Variants in ZNF804A observed in about 807,000 individuals in gnomAD.
ZNF804A encodes the protein zinc finger protein 804A.
In ZNF804A, 2 loss-of-function variants were observed where a neutral mutation model predicts 16.5. The observed-to-expected ratio is 0.12, with a 90% CI of 0.05 to 0.38. The LOEUF is 0.38. Among genes scored for constraint, ZNF804A ranks in the 10% least tolerant of loss-of-function variants. The pLI is 0.99. For synonymous variants in ZNF804A, 534 were observed against 489.6 expected (o/e 1.09, Z -1.20); for missense variants, 1,473 against 1,390.7 (o/e 1.06, Z -0.94).
rs1685852698 is a variant in ZNF804A at position 184,939,049 on chromosome 2, A to G, written c.*23A>G. On this transcript the variant is annotated 3_prime_UTR_variant, in exon 4 of 4. Transcript: ENST00000302277. ...TAGTCATCACCATAATGGGAAAAAA[A>G]TACTCTTGTGAAAACTATTGCTATA... The G allele has an allele frequency of 6.2e-7, 1 of 1,605,258 alleles. No homozygotes were observed.
At chr2:184,896,203 G>A (rs1034417012) in intron 2 of ZNF804A, among the ~76,000 whole-genome samples, 3 of 152,028 alleles carry the variant, frequency 2.0e-5, no homozygotes, top group African/African-American at 7.2e-5. Flanking sequence ...AATAAGTGAA[G>A]CAGTAAGAAA....
intron 1 of ZNF804A, among the ~76,000 whole-genome samples, chr2:184,760,026 G>A (rs1280811214): frequency 6.6e-6 from 1 of 151,978 alleles, no homozygotes; most frequent in Non-Finnish European, 1.5e-5. Context: ...CGCTGAGTCC[G>A]CCCTTAGTAA....
At chr2:184,673,495 G>A (rs1308849285) in intron 1 of ZNF804A, among the ~76,000 whole-genome samples, 2 of 152,180 alleles carry the variant, frequency 1.3e-5, no homozygotes, top group Non-Finnish European at 2.9e-5. Context: ...ATTGCTTGCT[G>A]GAGCACCTAA....
At chr2:184,879,578 T>C (rs1041529296) in intron 2 of ZNF804A, among the ~76,000 whole-genome samples, 2 of 152,022 alleles carry the variant, frequency 1.3e-5, no homozygotes, top group African/African-American at 4.8e-5. Context: ...AAACACATTG[T>C]TCATACTTTT....
chr2:184,936,419 T>C lies in ZNF804A; in HGVS notation c.1023T>C (p.Val341=). 1 of 1,614,012 alleles carries C rather than the reference T, an allele frequency of 6.2e-7. No homozygotes were observed. The highest frequency in any genetic ancestry group is 8.5e-7 in the Non-Finnish European group (1 of 1,179,946). ...LADQIPLESV[V]INEDIPVSGN... Reference sequence around the variant, plus strand: ...ATCAAATACCACTAGAGAGTGTTGTTATTAATGAAGACATACCTGTTAGTG... The same window carrying C: ...ATCAAATACCACTAGAGAGTGTTGTCATTAATGAAGACATACCTGTTAGTG... The change falls in exon 4 of 4, where the codon GTT becomes GTC. Residue 341 remains valine, a synonymous_variant. Coordinates refer to ENST00000302277, the MANE Select transcript of ZNF804A (RefSeq NM_194250.2).
chr2:184,880,565 G>T (rs1684795750), intron 2 of ZNF804A, among the ~76,000 whole-genome samples: 1 of 151,960 alleles, frequency 6.6e-6, no homozygotes, highest in Non-Finnish European at 1.5e-5. Flanking sequence ...AAATTCTTTT[G>T]TGTCTTAGTA....
intron 1 of ZNF804A, among the ~76,000 whole-genome samples, chr2:184,694,136 A>G (rs563397040): frequency 3.3e-5 from 5 of 149,958 alleles, no homozygotes; most frequent in Non-Finnish European, 7.4e-5. Context: ...TTTAGTAGCG[A>G]TGGGGTTTTA....
rs199984426 is a variant in ZNF804A at position 184,772,919 on chromosome 2, CA to C, written c.112-93449del. Among the ~76,000 whole-genome samples, 620 of 148,878 alleles carry C rather than the reference CA, an allele frequency of 4.2e-3. 7 individuals carry two copies. The highest frequency in any genetic ancestry group is 0.021 in the East Asian group (102 of 4,922). ...TAAAATACATACACACACACACACA[CA>C]CACCCCACACACATATATATACATA... On this transcript the variant is annotated intron_variant, in intron 1 of 3. Coordinates refer to ENST00000302277, the MANE Select transcript of ZNF804A (RefSeq NM_194250.2).
intron 1 of ZNF804A, among the ~76,000 whole-genome samples, chr2:184,798,904 TC>T (rs1694678948): frequency 6.6e-6 from 1 of 152,146 alleles, no homozygotes; most frequent in Non-Finnish European, 1.5e-5. Flanking sequence ...GTAGTTCAGA[TC>T]CTTTTGTCCC....
chr2:184,847,565 A>G (rs767787606), intron 1 of ZNF804A, among the ~76,000 whole-genome samples: 4 of 152,084 alleles, frequency 2.6e-5, no homozygotes, highest in Admixed American at 6.6e-5. Flanking sequence ...AAAGACTAGC[A>G]TTAGTACTGC....
chr2:184,938,626 C>G lies in ZNF804A; in HGVS notation c.3230C>G (p.Pro1077Arg). The G allele has an allele frequency of 1.2e-6, 2 of 1,613,946 alleles. No individual in the cohort carries two copies. Among genetic ancestry groups the G allele is most frequent in the Non-Finnish European group, 1.7e-6 (2 of 1,179,916 alleles). The stretch of plus-strand genomic sequence containing the variant: ...TTTCCTCCAGCTGCCCTCCCACCCC[C>G]TAGCACACCTCTGCAGCCTTTGCCT... ...FTFPPAALPP[P>R]STPLQPLPLQ... Residue 1077 changes from proline to arginine, a missense_variant, in exon 4 of 4, where the codon CCT (proline) becomes CGT (arginine). Coordinates refer to ENST00000302277, the MANE Select transcript of ZNF804A (RefSeq NM_194250.2).
At chr2:184,913,834 T>A (rs1685406063) in intron 2 of ZNF804A, among the ~76,000 whole-genome samples, 1 of 152,178 alleles carries the variant, frequency 6.6e-6, no homozygotes, top group Admixed American at 6.5e-5. Flanking sequence ...ACTACTCATG[T>A]GCCTGCATGA....
At chr2:184,743,485 T>C (rs944083391) in intron 1 of ZNF804A, among the ~76,000 whole-genome samples, 2 of 152,020 alleles carry the variant, frequency 1.3e-5, no homozygotes, top group African/African-American at 2.4e-5. Flanking sequence ...ATATCTATTA[T>C]TATTTTAATT....
chr2:184,793,447 T>G (rs546115432), intron 1 of ZNF804A, among the ~76,000 whole-genome samples: 16 of 152,258 alleles, frequency 1.1e-4, no homozygotes, highest in Middle Eastern at 3.4e-3. Context: ...TTGTTTTGAC[T>G]AGTTAATGAT....
intron 2 of ZNF804A, among the ~76,000 whole-genome samples, chr2:184,906,850 G>C (rs1232559347): frequency 6.6e-6 from 1 of 152,170 alleles, no homozygotes; most frequent in African/African-American, 2.4e-5. Flanking sequence ...GCTCTAAAAA[G>C]AGGAAGCCAG....
intron 1 of ZNF804A, among the ~76,000 whole-genome samples, chr2:184,734,764 T>C (rs981274915): frequency 6.6e-6 from 1 of 152,222 alleles, no homozygotes; most frequent in African/African-American, 2.4e-5. Flanking sequence ...AAAATGATGC[T>C]GAAGTTTTAA....
intron 1 of ZNF804A, among the ~76,000 whole-genome samples, chr2:184,800,235 A>G (rs888817164): frequency 1.3e-5 from 2 of 151,772 alleles, no homozygotes; most frequent in African/African-American, 4.8e-5. Context: ...CTAGATTTTC[A>G]TGTTCTTATT....
chr2:184,703,574 C>G (rs1017350033), intron 1 of ZNF804A, among the ~76,000 whole-genome samples: 1 of 150,648 alleles, frequency 6.6e-6, no homozygotes, highest in Non-Finnish European at 1.5e-5. Flanking sequence ...CCTGTAGTCT[C>G]AGCTACTGGG....
Position 184,937,481 on chromosome 2 carries a change from G to C in ZNF804A, c.2085G>C (p.Lys695Asn). 2.0e-6 allele frequency: 3 copies of C among 1,480,852 alleles called. No individual in the cohort carries two copies. The highest frequency in any genetic ancestry group is 9.2e-7 in the Non-Finnish European group (1 of 1,084,480). 91.7% of individuals were successfully genotyped at this position (1,480,852 alleles called of 1,614,324 possible). ...DTISSKNHCKKNTILLNGQSN... is the reference protein window; with the variant it reads ...DTISSKNHCKNNTILLNGQSN... ...TCAGTTCTAAAAACCACTGTAAAAA[G>C]AACACAATACTTTTAAATGGACAAT... The change falls in exon 4 of 4, where the codon AAG (lysine) becomes AAC (asparagine). Residue 695 changes from lysine (K) to asparagine (N), a missense_variant. Physicochemically the swap from Lys to Asn is moderately conservative, Grantham distance 94. Coordinates refer to ENST00000302277, the MANE Select transcript of ZNF804A (RefSeq NM_194250.2).
Sources: gnomAD v4.1 joint callset for allele counts (sites outside exome capture counted in the v4.1 genomes callset) on GRCh38, gnomAD v4.1.1 for gene constraint, MANE v1.5 for transcripts, NCBI Gene and HGNC (gene_info 2026-07-23, HGNC 2026-07-21) for gene names.